The following PABPC4L variants were observed in gnomAD, a reference collection of about 807,000 sequenced individuals.
The protein encoded by PABPC4L is polyadenylate-binding protein 4-like.
For synonymous variants in PABPC4L, 169 were observed against 164.1 expected (o/e 1.03, Z -0.23); for missense variants, 452 against 451.4 (o/e 1.00, Z -0.01).
chr4:134,187,128 AGT>A, the PABPC4L span, among the ~76,000 whole-genome samples: 1 of 152,128 alleles, frequency 6.6e-6, no homozygotes, highest in Admixed American at 6.6e-5. Flanking sequence ...TGCGGAAGAC[AGT>A]GTGGCAATTC....
chr4:134,171,507 G>A, the PABPC4L span, among the ~76,000 whole-genome samples: 1 of 152,100 alleles, frequency 6.6e-6, no homozygotes, highest in African/African-American at 2.4e-5. Context: ...GTTCCTTAGA[G>A]ATTCCGGATC....
chr4:134,173,507 T>A, the PABPC4L span, among the ~76,000 whole-genome samples: 1 of 151,908 alleles, frequency 6.6e-6, no homozygotes, highest in African/African-American at 2.4e-5. Context: ...AAATAAAAAA[T>A]ACTGAACTCA....
At chr4:134,057,373 T>G in the PABPC4L span, among the ~76,000 whole-genome samples, 1 of 152,234 alleles carries the variant, frequency 6.6e-6, no homozygotes, top group Admixed American at 6.6e-5. Context: ...TCCATTGATA[T>G]AATGAGGGAG....
chr4:134,019,012 A>G, the PABPC4L span, among the ~76,000 whole-genome samples: 1 of 152,118 alleles, frequency 6.6e-6, no homozygotes, highest in Non-Finnish European at 1.5e-5. Context: ...GCTATAAAGG[A>G]ATGTGATCAC....
At chr4:134,169,791 A>G in the PABPC4L span, among the ~76,000 whole-genome samples, 2 of 152,170 alleles carry the variant, frequency 1.3e-5, no homozygotes, top group Non-Finnish European at 2.9e-5. Flanking sequence ...GAAGAGGACA[A>G]AAAAAGTAAA....
At chr4:134,001,080 C>G in the PABPC4L span, among the ~76,000 whole-genome samples, 1 of 151,930 alleles carries the variant, frequency 6.6e-6, no homozygotes, top group Non-Finnish European at 1.5e-5. Context: ...GGTTACGTAA[C>G]GTTTTCAACA....
chr4:134,156,347 A>ATTTTC, the PABPC4L span, among the ~76,000 whole-genome samples: 1 of 151,864 alleles, frequency 6.6e-6, no homozygotes, highest in Non-Finnish European at 1.5e-5. Context: ...AAGGGAAAAC[A>ATTTTC]TTTTCTTTTT....
chr4:134,177,366 G>A, the PABPC4L span, among the ~76,000 whole-genome samples: 1 of 151,754 alleles, frequency 6.6e-6, no homozygotes, highest in South Asian at 2.1e-4. Context: ...AGTAGAGACG[G>A]GGTTTCACCA....
Position 134,200,447 on chromosome 4 carries a change from A to G in PABPC4L, c.573T>C (p.Asn191=), listed in dbSNP as rs1729820243. ...CACCTCCAAAGTTTTTTATGTAAAC[A>G]TTGGTGAATTCACTGGCTTTGCTTC... The part of the protein sequence containing the change: ...ELRSKASEFT[N]VYIKNFGGDM... The change falls in exon 2 of 2, where the codon AAT becomes AAC. Residue 191 remains asparagine (N), a synonymous_variant. Coordinates refer to ENST00000421491, the MANE Select transcript of PABPC4L (RefSeq NM_001114734.2). 7 of 1,551,834 alleles carry G rather than the reference A, an allele frequency of 4.5e-6. No homozygotes were observed. The highest frequency in any genetic ancestry group is 5.2e-6 in the Non-Finnish European group (6 of 1,147,054).
At chr4:133,951,144 T>C in the PABPC4L span, among the ~76,000 whole-genome samples, 1 of 152,306 alleles carries the variant, frequency 6.6e-6, no homozygotes, top group African/African-American at 2.4e-5. Flanking sequence ...AACATAGCCA[T>C]TGTCTCTTGC....
At chr4:134,098,297 G>A in the PABPC4L span, among the ~76,000 whole-genome samples, 937 of 151,802 alleles carry the variant, frequency 6.2e-3, 6 homozygotes, top group African/African-American at 0.021. Flanking sequence ...AAATTAGTAT[G>A]ATTTGCAGAT....
At chr4:134,144,579 TAA>T in the PABPC4L span, among the ~76,000 whole-genome samples, 4,888 of 138,812 alleles carry the variant, frequency 0.035, 242 homozygotes, top group African/African-American at 0.11. Flanking sequence ...CCTACCAGGT[TAA>T]AAAAAAAAAA....
chr4:133,962,666 G>C, the PABPC4L span, among the ~76,000 whole-genome samples: 6 of 152,122 alleles, frequency 3.9e-5, no homozygotes, highest in Admixed American at 6.6e-5. Context: ...AGCTTGAAGG[G>C]ATTGGGGCTA....
the PABPC4L span, among the ~76,000 whole-genome samples, chr4:134,067,525 C>T: frequency 1.3e-5 from 2 of 151,882 alleles, no homozygotes; most frequent in African/African-American, 4.8e-5. Context: ...ACTTAATTTC[C>T]TTCGGTTCAG....
At chr4:134,037,438 C>G in the PABPC4L span, among the ~76,000 whole-genome samples, 5 of 151,976 alleles carry the variant, frequency 3.3e-5, no homozygotes, top group African/African-American at 1.2e-4. Context: ...CTTGTAATTA[C>G]TATCTTTGGA....
the PABPC4L span, among the ~76,000 whole-genome samples, chr4:134,051,018 A>G: frequency 6.6e-6 from 1 of 152,054 alleles, no homozygotes; most frequent in South Asian, 2.1e-4. Context: ...GCATATTTAA[A>G]TCCATTTTGC....
chr4:134,013,955 C>T, the PABPC4L span, among the ~76,000 whole-genome samples: 201 of 152,288 alleles, frequency 1.3e-3, 1 homozygote, highest in African/African-American at 4.4e-3. Context: ...CCTCCCCCAC[C>T]TGCCCAGCAA....
At chr4:134,097,964 T>A in the PABPC4L span, among the ~76,000 whole-genome samples, 1 of 151,814 alleles carries the variant, frequency 6.6e-6, no homozygotes, top group Admixed American at 6.6e-5. Flanking sequence ...TTCTTGTTTA[T>A]CCTGATAGGG....
chr4:133,966,292 A>G, the PABPC4L span, among the ~76,000 whole-genome samples: 3 of 152,320 alleles, frequency 2.0e-5, no homozygotes, highest in East Asian at 5.8e-4. Context: ...AATGGCCATA[A>G]TAAAAAAATC....
Sources: allele counts gnomAD v4.1 joint callset (sites outside exome capture counted in the v4.1 genomes callset), GRCh38; gene constraint gnomAD v4.1.1; transcripts MANE v1.5; gene names NCBI Gene and HGNC (gene_info 2026-07-23, HGNC 2026-07-21).